Variants in FER observed in about 807,000 individuals in gnomAD.
The protein encoded by FER is tyrosine-protein kinase Fer.
A neutral mutation model predicts 111.0 loss-of-function variants in FER; 63 were observed. The observed-to-expected ratio is 0.57, with a 90% CI of 0.46 to 0.70. The LOEUF is 0.70. Among genes scored for constraint, FER ranks in the 30% least tolerant of loss-of-function variants. The probability of loss-of-function intolerance (pLI) is 0.00; values close to 1 mark genes in which losing one functional copy is unlikely to be tolerated. For missense variants in FER, 914 were observed against 954.0 expected, an observed-to-expected ratio of 0.96 and a Z score of 0.55; for synonymous variants, 327 against 313.9, an observed-to-expected ratio of 1.04 and a Z score of -0.44.
At chr5:108,958,246 C>T (rs374107997) in intron 12 of FER, among the ~76,000 whole-genome samples, 3 of 151,682 alleles carry the variant, frequency 2.0e-5, no homozygotes, top group African/African-American at 7.2e-5. Context: ...GGAAAGTAAT[C>T]TTCCAGTAAT....
At chr5:109,170,818 T>C (rs573911020) in intron 17 of FER, among the ~76,000 whole-genome samples, 123 of 152,258 alleles carry the variant, frequency 8.1e-4, no homozygotes, top group African/African-American at 2.6e-3. Context: ...CACTGTTGTA[T>C]TGTCAACATG....
intron 17 of FER, among the ~76,000 whole-genome samples, chr5:109,123,577 C>T (rs6894012): frequency 0.02 from 3,104 of 152,024 alleles, 67 homozygotes; most frequent in Non-Finnish European, 0.026. Context: ...TATGAGGCTT[C>T]CAAATAACAT....
chr5:109,124,671 T>G (rs1751450727), intron 17 of FER, among the ~76,000 whole-genome samples: 1 of 152,162 alleles, frequency 6.6e-6, no homozygotes, highest in Admixed American at 6.5e-5. Flanking sequence ...ATCTCAAAAC[T>G]GTGACTCTGG....
intron 3 of FER, chr5:108,820,188 T>G: frequency 1.0e-6 from 1 of 985,384 alleles, no homozygotes; most frequent in Non-Finnish European, 1.2e-6. Flanking sequence ...TAGAGCTGGA[T>G]CAACAAAGGA....
chr5:108,991,418 C>G (rs567405501), intron 13 of FER, among the ~76,000 whole-genome samples: 4 of 152,002 alleles, frequency 2.6e-5, no homozygotes, highest in African/African-American at 9.6e-5. Context: ...TTTTAACACT[C>G]AAATTACTGA....
intron 18 of FER, among the ~76,000 whole-genome samples, chr5:109,185,411 A>G (rs1202614473): frequency 3.3e-5 from 5 of 152,260 alleles, no homozygotes; most frequent in African/African-American, 1.2e-4. Flanking sequence ...GTAAACAGCA[A>G]TGAGTGAAAA....
intron 17 of FER, among the ~76,000 whole-genome samples, chr5:109,135,250 T>C (rs1752766840): frequency 6.6e-6 from 1 of 152,212 alleles, no homozygotes; most frequent in South Asian, 2.1e-4. Flanking sequence ...AGGCACCTTA[T>C]GTATATTCGT....
chr5:108,797,491 T>C (rs1432990563), intron 2 of FER, among the ~76,000 whole-genome samples: 1 of 152,226 alleles, frequency 6.6e-6, no homozygotes, highest in African/African-American at 2.4e-5. Flanking sequence ...GAGTTCATCC[T>C]GGTTTTGCTT....
In FER at chr5:108,869,463, A is replaced by C. The variant is rs528838707; in HGVS notation, c.665+1513A>C. ...ACTTATTTGGAAATAGGGTCTTTGC[A>C]GATGTAATTAGTCAAGGATCTCAAG... On this transcript the variant is annotated intron_variant, in intron 6 of 19. Transcript: ENST00000281092. Among the ~76,000 whole-genome samples, 374 of 150,948 alleles carry C rather than the reference A, an allele frequency of 2.5e-3. 2 individuals are homozygous for C. Among genetic ancestry groups the C allele is most frequent in the Non-Finnish European group, 2.8e-3 (192 of 67,716 alleles).
chr5:109,182,035 A>G (rs1758344020), intron 18 of FER, among the ~76,000 whole-genome samples: 1 of 152,186 alleles, frequency 6.6e-6, no homozygotes, highest in Non-Finnish European at 1.5e-5. Context: ...TATTTTACTT[A>G]GCGTAAGATT....
chr5:109,173,369 A>G (rs1359284609), intron 17 of FER, among the ~76,000 whole-genome samples: 1 of 152,208 alleles, frequency 6.6e-6, no homozygotes, highest in East Asian at 1.9e-4. Context: ...GAGGAATCTT[A>G]CTCCAATATA....
In FER at chr5:108,959,363, C is replaced by CT; in HGVS notation, c.1656+22dup. 1 of 1,570,532 alleles carries CT rather than the reference C, an allele frequency of 6.4e-7. No individual in the cohort carries two copies. The highest frequency in any genetic ancestry group is 8.6e-7 in the Non-Finnish European group (1 of 1,162,832). On this transcript the variant is annotated intron_variant, in intron 13 of 19. Transcript: ENST00000281092. The stretch of plus-strand genomic sequence containing the variant: ...TATTCCTAAGGTAGGTGCTTATATA[C>CT]TTTTTTGTCTGTTTGTTTTAAAAGA...
At chr5:109,132,435 T>C (rs1752453696) in intron 17 of FER, among the ~76,000 whole-genome samples, 1 of 152,124 alleles carries the variant, frequency 6.6e-6, no homozygotes, top group Non-Finnish European at 1.5e-5. Flanking sequence ...ATTCCTTCAT[T>C]ATAGTCTTTC....
chr5:108,911,284 T>C (rs1166746079), intron 10 of FER, among the ~76,000 whole-genome samples: 1 of 152,184 alleles, frequency 6.6e-6, no homozygotes, highest in Non-Finnish European at 1.5e-5. Flanking sequence ...GAGAAATGTG[T>C]GTTCATGTCG....
In FER at chr5:108,788,547, T is replaced by C. The variant is rs1184979463; in HGVS notation, c.-59-9577T>C. On this transcript the variant is annotated intron_variant, in intron 2 of 19. Coordinates refer to ENST00000281092, the MANE Select transcript of FER (RefSeq NM_005246.4). ...CGACACTAATATCTTTTTTTTTTTTTCCCTCCTGATGCCTGTGACTCTGCC... is the reference window on the plus strand; with the variant it reads ...CGACACTAATATCTTTTTTTTTTTTCCCCTCCTGATGCCTGTGACTCTGCC... Among the ~76,000 whole-genome samples the C allele has an allele frequency of 1.4e-4, 21 of 151,774 alleles. 1 individual carries two copies. The highest frequency in any genetic ancestry group is 8.8e-5 in the Non-Finnish European group (6 of 67,944).
At chr5:108,913,792 A>G (rs1394861775) in intron 10 of FER, among the ~76,000 whole-genome samples, 1 of 152,240 alleles carries the variant, frequency 6.6e-6, no homozygotes, top group Admixed American at 6.5e-5. Flanking sequence ...ATTGTGGGAT[A>G]CTTACCCAAT....
intron 3 of FER, among the ~76,000 whole-genome samples, chr5:108,810,860 T>G (rs1328664680): frequency 6.6e-6 from 1 of 150,524 alleles, no homozygotes; most frequent in South Asian, 2.1e-4. Context: ...CTCCTTTACC[T>G]GTATCTTTGC....
chr5:109,077,933 C>A lies in FER; in HGVS notation c.1925-22463C>A, dbSNP rs114619730. 3.5e-3 allele frequency among the ~76,000 whole-genome samples: 530 copies of A among 152,132 alleles called. 1 individual carries two copies. The highest frequency in any genetic ancestry group is 5.2e-3 in the Non-Finnish European group (353 of 67,996). ...TAGTACTTAAGTATTATTATAATTT[C>A]CACTTTACACAGGAGGAAATTATGG... On this transcript the variant is annotated intron_variant, in intron 16 of 19. Transcript: ENST00000281092.
intron 13 of FER, among the ~76,000 whole-genome samples, chr5:108,972,942 G>T (rs933470386): frequency 6.6e-6 from 1 of 151,864 alleles, no homozygotes; most frequent in Non-Finnish European, 1.5e-5. Flanking sequence ...AGTGCTCTTC[G>T]GAAACTTCAT....
Sources: gnomAD v4.1 joint callset for allele counts (sites outside exome capture counted in the v4.1 genomes callset) on GRCh38, gnomAD v4.1.1 for gene constraint, MANE v1.5 for transcripts, NCBI Gene and HGNC (gene_info 2026-07-23, HGNC 2026-07-21) for gene names.